CELF2: variants seen among roughly 807,000 people sequenced by gnomAD.
The protein encoded by CELF2 is CUG triplet repeat RNA-binding protein 2.
In CELF2, 8 loss-of-function variants were observed where a neutral mutation model predicts 62.6. The ratio of observed to expected loss-of-function variants is 0.13; its 90% CI spans 0.07 to 0.23. CELF2 has a LOEUF of 0.23. Among genes scored for constraint, CELF2 ranks in the 10% least tolerant of loss-of-function variants. The pLI is 1.00. For synonymous variants in CELF2, 258 were observed against 250.0 expected, an observed-to-expected ratio of 1.03 and a Z score of -0.30; for missense variants, 333 against 671.0, an observed-to-expected ratio of 0.50 and a Z score of 5.56.
At chr10:11,210,050 C>A (rs753421764) in intron 2 of CELF2, among the ~76,000 whole-genome samples, 4 of 152,178 alleles carry the variant, frequency 2.6e-5, no homozygotes, top group Non-Finnish European at 5.9e-5. Flanking sequence ...CCTTCCAGGG[C>A]CTTCGTCCCT....
chr10:10,905,496 C>A (rs974518376), intron 1 of CELF2, among the ~76,000 whole-genome samples: 1 of 150,750 alleles, frequency 6.6e-6, no homozygotes, highest in African/African-American at 2.4e-5. Context: ...TTAATCCCAG[C>A]ACTTAGGGAG....
At chr10:11,265,397 T>G (rs1349620024) in intron 5 of CELF2, among the ~76,000 whole-genome samples, 1 of 152,246 alleles carries the variant, frequency 6.6e-6, no homozygotes, top group Non-Finnish European at 1.5e-5. Flanking sequence ...AGTGGAACAC[T>G]AAATTATTCT....
chr10:11,051,356 T>G (rs1298669251), intron 1 of CELF2, among the ~76,000 whole-genome samples: 2 of 152,242 alleles, frequency 1.3e-5, no homozygotes, highest in African/African-American at 4.8e-5. Context: ...CATAGAGTTC[T>G]CTTTTGATTA....
intron 1 of CELF2, among the ~76,000 whole-genome samples, chr10:10,877,208 C>T (rs1461919950): frequency 6.6e-6 from 1 of 152,202 alleles, no homozygotes; most frequent in African/African-American, 2.4e-5. Flanking sequence ...CTTGTGTGAA[C>T]CCCAAATATC....
chr10:10,612,468 G>A, the CELF2 span, among the ~76,000 whole-genome samples: 7 of 152,280 alleles, frequency 4.6e-5, no homozygotes, highest in South Asian at 1.4e-3. Flanking sequence ...GCTAGATACA[G>A]AAACATACAG....
chr10:11,291,202 C>T (rs1316923793), intron 9 of CELF2, among the ~76,000 whole-genome samples: 3 of 152,186 alleles, frequency 2.0e-5, no homozygotes, highest in South Asian at 2.1e-4. Context: ...TGTTTTTAAG[C>T]GTGTCTCTTA....
rs1055035533 is a variant in CELF2 at position 11,064,926 on chromosome 10, C to T, written c.74+46763C>T. On this transcript the variant is annotated intron_variant, in intron 1 of 12. Transcript: ENST00000633077. ...AAATACTGCAAAAGCTTTGCAGGCC[C>T]AGTCTCCATTTCAGGAATGTTTCTT... is the stretch of plus-strand genomic sequence containing the variant. Among the ~76,000 whole-genome samples, 13 of 152,300 alleles carry T rather than the reference C, an allele frequency of 8.5e-5. No homozygotes were observed. In the East Asian group the frequency reaches 2.5e-3, roughly 29 times the overall value.
At chr10:10,741,451 G>A in the CELF2 span, among the ~76,000 whole-genome samples, 2 of 129,580 alleles carry the variant, frequency 1.5e-5, no homozygotes, top group Middle Eastern at 5.9e-3. Context: ...GGAGAGGTGC[G>A]CCACTGCACT....
At chr10:11,218,385 G>A (rs888634116) in intron 3 of CELF2, among the ~76,000 whole-genome samples, 1 of 152,178 alleles carries the variant, frequency 6.6e-6, no homozygotes, top group African/African-American at 2.4e-5. Context: ...TTCTACCTTT[G>A]TGTCTTTTAT....
chr10:10,939,416 G>T (rs868203412), intron 2 of CELF2, among the ~76,000 whole-genome samples: 4 of 152,002 alleles, frequency 2.6e-5, no homozygotes, highest in Admixed American at 1.3e-4. Flanking sequence ...CTCCCAAGTA[G>T]CTGGGATTAT....
intron 9 of CELF2, among the ~76,000 whole-genome samples, chr10:11,313,153 T>C (rs2094674622): frequency 6.6e-6 from 1 of 152,058 alleles, no homozygotes; most frequent in Admixed American, 6.5e-5. Context: ...ACACCAAACA[T>C]CATACAAAAC....
chr10:10,758,380 C>T, the CELF2 span, among the ~76,000 whole-genome samples: 1 of 152,192 alleles, frequency 6.6e-6, no homozygotes, highest in African/African-American at 2.4e-5. Context: ...AAGGAATTAT[C>T]AGCACTACGA....
At chr10:11,001,780 C>CT (rs35135935), upstream of CELF2, among the ~76,000 whole-genome samples, 36,930 of 150,790 alleles carry the variant, frequency 0.24, 8,625 homozygotes, top group African/African-American at 0.62. Context: ...TTAATTACTG[C>CT]TTTTTTTTTG....
At chr10:11,015,055 C>T (rs919130086), upstream of CELF2, among the ~76,000 whole-genome samples, 1 of 152,166 alleles carries the variant, frequency 6.6e-6, no homozygotes, top group Non-Finnish European at 1.5e-5. The surrounding 1 kb of genome is among the most constrained non-coding windows in gnomAD (Gnocchi z 4.8). Context: ...CGATAAGATC[C>T]TTGACTATAA....
chr10:10,820,826 C>G (rs897997598), intron 1 of CELF2, among the ~76,000 whole-genome samples: 1 of 152,208 alleles, frequency 6.6e-6, no homozygotes. Flanking sequence ...AAACCATTTA[C>G]ACCTTCAAAC....
intron 2 of CELF2, among the ~76,000 whole-genome samples, chr10:11,192,988 G>T (rs1347874729): frequency 6.6e-6 from 1 of 152,214 alleles, no homozygotes; most frequent in Non-Finnish European, 1.5e-5. Context: ...GACTTTGGCA[G>T]TGTCTGTGAA....
rs576854228 is a variant in CELF2, at chr10:10,938,108, A to G, written c.89+18109A>G. On this transcript the variant is annotated intron_variant, in intron 2 of 13. Coordinates refer to the CELF2 transcript ENST00000636488. This position sits in a 1 kb window ranked among gnomAD's most constrained non-coding sequence, Gnocchi z 4.2. The stretch of plus-strand genomic sequence containing the variant: ...ATAACTCAAGAGAGATAGAGGGGAG[A>G]TGGGTAATACTGAATATGCAGAATT... 6.6e-6 allele frequency among the ~76,000 whole-genome samples: 1 copy of G among 152,304 alleles called. No individual in the cohort carries two copies. The highest frequency in any genetic ancestry group is 2.1e-4 in the South Asian group (1 of 4,828).
rs73583261 is a variant in CELF2, at chr10:11,335,369, C to T, written c.*6316C>T. 3,826 of 152,520 alleles carry T rather than the reference C, an allele frequency of 0.025. 174 individuals carry two copies. The highest frequency in any genetic ancestry group is 0.087 in the African/African-American group (3,607 of 41,556). 9.4% of individuals were successfully genotyped at this position (152,520 alleles called of 1,614,324 possible). ...ACGCACAAGCTCTGACTCAGGCCAC[C>T]CAGCACCTGGCAGCCTTCCTCTGCG... On this transcript the variant is annotated 3_prime_UTR_variant, in exon 13 of 13. Coordinates refer to ENST00000633077, the MANE Select transcript of CELF2 (RefSeq NM_001326342.2). The surrounding 1 kb of genome is among the most constrained non-coding windows in gnomAD (Gnocchi z 5.0).
chr10:11,004,079 A>G (rs2054803622), upstream of CELF2, among the ~76,000 whole-genome samples: 1 of 152,208 alleles, frequency 6.6e-6, no homozygotes, highest in Non-Finnish European at 1.5e-5. The surrounding 1 kb of genome is among the most constrained non-coding windows in gnomAD (Gnocchi z 5.0). Flanking sequence ...GCTGTGGATC[A>G]AGACCAAGTT....
Sources: gnomAD v4.1 joint callset for allele counts (sites outside exome capture counted in the v4.1 genomes callset) on GRCh38, gnomAD v4.1.1 for gene constraint, Gnocchi (gnomAD v3.1) non-coding constraint, MANE v1.5 for transcripts, NCBI Gene and HGNC (gene_info 2026-07-23, HGNC 2026-07-21) for gene names.